The following PSD3 variants were observed in gnomAD, a reference collection of about 807,000 sequenced individuals.
The protein encoded by PSD3 is pleckstrin and Sec7 domain containing 3.
In PSD3, 49 loss-of-function variants were observed where a neutral mutation model predicts 105.5. The observed-to-expected ratio is 0.46, with a 90% CI of 0.37 to 0.59. The LOEUF (loss-of-function observed/expected upper bound fraction) is 0.59. Among genes scored for constraint, PSD3 ranks in the 20% least tolerant of loss-of-function variants. PSD3 has a pLI of 0.00. For missense variants in PSD3, 1,561 were observed against 1,263.8 expected, an observed-to-expected ratio of 1.24 and a Z score of -3.57; for synonymous variants, 557 against 457.8, an observed-to-expected ratio of 1.22 and a Z score of -2.77.
chr8:18,537,726 G>C lies in PSD3; in HGVS notation c.2929-1768C>G, dbSNP rs570356973. 3.9e-5 allele frequency among the ~76,000 whole-genome samples: 6 copies of C among 151,980 alleles called. No homozygotes were observed. In the East Asian group the frequency reaches 7.7e-4, roughly 20 times the overall value. The stretch of plus-strand genomic sequence containing the variant: ...GAGTCTCATTCTGTCATCCAGGCTG[G>C]AGTGCAGTGGCATGATCTCAGCTCA... On this transcript the variant is annotated intron_variant, in intron 15 of 15. Transcript: ENST00000327040.
intron 9 of PSD3, among the ~76,000 whole-genome samples, chr8:18,761,516 C>T (rs189515737): frequency 2.4e-4 from 36 of 152,298 alleles, no homozygotes; most frequent in African/African-American, 3.8e-4. Flanking sequence ...ATTTACTTGA[C>T]GTAGTCCCCT....
At chr8:18,747,684 G>C (rs1805141772) in intron 9 of PSD3, among the ~76,000 whole-genome samples, 1 of 152,168 alleles carries the variant, frequency 6.6e-6, no homozygotes. Context: ...ACATGGTAAG[G>C]AAGGTAGTGC....
intron 1 of PSD3, among the ~76,000 whole-genome samples, chr8:19,064,218 T>G (rs1828996491): frequency 1.3e-5 from 2 of 152,212 alleles, no homozygotes. Context: ...TCTAGTTAAT[T>G]AAGCTTTAAC....
At chr8:18,940,100 G>C (rs1822432984) in intron 1 of PSD3, 1 of 152,172 alleles carries the variant, frequency 6.6e-6, no homozygotes, top group South Asian at 2.1e-4. Flanking sequence ...ACAGCACCAA[G>C]TAAAACACGT....
chr8:18,611,608 G>T (rs1445155649), intron 11 of PSD3, among the ~76,000 whole-genome samples: 1 of 151,834 alleles, frequency 6.6e-6, no homozygotes, highest in African/African-American at 2.4e-5. Flanking sequence ...TTTAATTAAA[G>T]ATACTGTCTG....
At chr8:18,652,100 T>C (rs1364041049) in intron 10 of PSD3, among the ~76,000 whole-genome samples, 1 of 152,030 alleles carries the variant, frequency 6.6e-6, no homozygotes, top group Non-Finnish European at 1.5e-5. Flanking sequence ...AAGGCTAAAA[T>C]CCAGGTAAGC....
intron 4 of PSD3, among the ~76,000 whole-genome samples, chr8:18,806,475 A>G (rs1030849997): frequency 2.0e-5 from 3 of 152,240 alleles, no homozygotes; most frequent in Admixed American, 6.5e-5. Context: ...ATTAATTTCC[A>G]AATCTTTATC....
chr8:18,815,325 G>A (rs1812124766), intron 4 of PSD3, among the ~76,000 whole-genome samples: 1 of 152,058 alleles, frequency 6.6e-6, no homozygotes, highest in African/African-American at 2.4e-5. Flanking sequence ...TTGGAGGTGT[G>A]GGGGATGGAG....
At chr8:18,613,205 A>C (rs887615041) in intron 11 of PSD3, among the ~76,000 whole-genome samples, 8 of 152,078 alleles carry the variant, frequency 5.3e-5, no homozygotes, top group African/African-American at 1.9e-4. Flanking sequence ...TTCAAGCCTA[A>C]AACAGCATGA....
intron 9 of PSD3, among the ~76,000 whole-genome samples, chr8:18,661,904 C>T (rs973074203): frequency 3.3e-5 from 5 of 152,082 alleles, no homozygotes; most frequent in Non-Finnish European, 7.4e-5. Flanking sequence ...GTTTAAAGAG[C>T]GCCACATTAG....
Position 18,801,396 on chromosome 8 carries a change from A to G in PSD3, c.1911-14T>C. On this transcript the variant is annotated splice_polypyrimidine_tract_variant and intron_variant, in intron 6 of 15. Coordinates refer to ENST00000327040, the MANE Select transcript of PSD3 (RefSeq NM_015310.4). Reference sequence around the variant, plus strand: ...TTAAAGAAATACCTACAAGAGAATTAAAAATTTAAACAGTGAAATTTTCGA... The same window carrying G: ...TTAAAGAAATACCTACAAGAGAATTGAAAATTTAAACAGTGAAATTTTCGA... 1.3e-6 allele frequency: 2 copies of G among 1,514,244 alleles called. No individual in the cohort carries two copies. Among genetic ancestry groups the G allele is most frequent in the South Asian group, 1.2e-5 (1 of 85,350 alleles). The allele number at this position is 1,514,244 out of a possible 1,614,324, so 93.8% of individuals were successfully genotyped here.
At chr8:18,779,298 T>G (rs767797796) in intron 8 of PSD3, among the ~76,000 whole-genome samples, 1 of 152,148 alleles carries the variant, frequency 6.6e-6, no homozygotes, top group African/African-American at 2.4e-5. Flanking sequence ...TTTTACTGTC[T>G]CCTTTTTTGG....
chr8:19,035,153 T>C (rs1413463360), intron 1 of PSD3, among the ~76,000 whole-genome samples: 1 of 152,228 alleles, frequency 6.6e-6, no homozygotes. Context: ...CATGTGTCTA[T>C]GTATACTTGC....
At chr8:19,050,931 G>C (rs1251554181) in intron 1 of PSD3, among the ~76,000 whole-genome samples, 1 of 152,168 alleles carries the variant, frequency 6.6e-6, no homozygotes, top group Non-Finnish European at 1.5e-5. Context: ...CAACTGTCAT[G>C]GTGTCCTGAG....
At chr8:18,927,375 G>C (rs931295513) in intron 2 of PSD3, among the ~76,000 whole-genome samples, 1 of 151,974 alleles carries the variant, frequency 6.6e-6, no homozygotes, top group Non-Finnish European at 1.5e-5. Context: ...CACCATGCCT[G>C]GCTAATTTTT....
intron 1 of PSD3, among the ~76,000 whole-genome samples, chr8:19,047,595 T>C (rs1022531832): frequency 6.6e-6 from 1 of 152,100 alleles, no homozygotes; most frequent in Non-Finnish European, 1.5e-5. Context: ...CAATCTTTGC[T>C]TCCTTTACAA....
At chr8:18,617,694 C>G (rs1047871792) in intron 11 of PSD3, among the ~76,000 whole-genome samples, 3 of 152,128 alleles carry the variant, frequency 2.0e-5, no homozygotes, top group Non-Finnish European at 4.4e-5. Context: ...GGGTGTTGGA[C>G]ATGCCTCATT....
chr8:19,051,084 G>T (rs1488271738), intron 1 of PSD3, among the ~76,000 whole-genome samples: 1 of 152,086 alleles, frequency 6.6e-6, no homozygotes, highest in African/African-American at 2.4e-5. Context: ...TCTCCACACT[G>T]CAGCTAGGGT....
chr8:18,773,011 C>T (rs1228136623), intron 8 of PSD3, among the ~76,000 whole-genome samples: 1 of 152,148 alleles, frequency 6.6e-6, no homozygotes, highest in East Asian at 1.9e-4. Flanking sequence ...GTTTTTAAGG[C>T]ACAAACGTTT....
Sources: gnomAD v4.1 joint callset for allele counts (sites outside exome capture counted in the v4.1 genomes callset) on GRCh38, gnomAD v4.1.1 for gene constraint, MANE v1.5 for transcripts, NCBI Gene and HGNC (gene_info 2026-07-23, HGNC 2026-07-21) for gene names.